F2: variants seen among roughly 807,000 people sequenced by gnomAD.
F2 encodes the protein coagulation factor II, thrombin, also known as prothrombin.
A neutral mutation model predicts 81.9 loss-of-function variants in F2; 34 were observed. That is an observed-to-expected ratio of 0.42 (90% CI 0.32 to 0.55). The LOEUF (loss-of-function observed/expected upper bound fraction) is 0.55, where lower values mean the gene tolerates loss of function less well. Ranked by LOEUF, F2 falls within the 20% of genes least tolerant of loss-of-function variation. The pLI, the probability that F2 is intolerant of heterozygous loss-of-function variation, is 0.18. For synonymous variants in F2, 296 were observed against 326.4 expected (o/e 0.91, Z 1.01); for missense variants, 630 against 833.4 (o/e 0.76, Z 3.00).
chr11:46,726,718 G>A lies in F2; in HGVS notation c.1011G>A (p.Gly337=). ...GCTTGGCTTGCTCTGCAGACTGTGG[G>A]CTGCGACCTCTGTTCGAGAAGAAGT... ...RTFGSGEADC[G]LRPLFEKKSL... The change falls in exon 9 of 14, where the codon GGG becomes GGA. Residue 337 remains glycine, a synonymous_variant. Transcript: ENST00000311907. This position sits in a 1 kb window ranked among gnomAD's most constrained non-coding sequence, Gnocchi z 5.9. 1 of 1,614,248 alleles carries A rather than the reference G, an allele frequency of 6.2e-7. No individual in the cohort carries two copies. Among genetic ancestry groups the A allele is most frequent in the Non-Finnish European group, 8.5e-7 (1 of 1,180,046 alleles).
chr11:46,732,782 T>C (rs2064921355), intron 12 of F2, among the ~76,000 whole-genome samples: 2 of 152,228 alleles, frequency 1.3e-5, no homozygotes, highest in African/African-American at 4.8e-5. Context: ...AGCTGGCTTC[T>C]GTGACTTGGG....
chr11:46,719,989 C>T lies in F2; in HGVS notation c.240+127C>T, dbSNP rs2064826413. On this transcript the variant is annotated intron_variant, in intron 2 of 13. Transcript: ENST00000311907. This position sits in a 1 kb window ranked among gnomAD's most constrained non-coding sequence, Gnocchi z 4.7. ...CTCACAGCCTCATTTCAACTCTGAG[C>T]CCCTCCTCACAGGGCTGGCAAGAGG... 4 of 1,318,400 alleles carry T rather than the reference C, an allele frequency of 3.0e-6. No individual in the cohort carries two copies. The highest frequency in any genetic ancestry group is 4.2e-6 in the Non-Finnish European group (4 of 954,920). 81.7% of individuals were successfully genotyped at this position (1,318,400 alleles called of 1,614,324 possible).
Position 46,725,918 on chromosome 11 carries a change from T to C in F2, c.619T>C (p.Ser207Pro). The change falls in exon 7 of 14, where the codon TCA (serine) becomes CCA (proline). Residue 207 changes from serine (S) to proline (P), a missense_variant. Ser to Pro is a moderately conservative substitution (Grantham distance 74, BLOSUM62 -1). Transcript: ENST00000311907. Reference sequence around the variant, plus strand: ...CTCCGAAGGCTCCAGTGTGAATCTGTCACCTCCATTGGAGCAGTGTGTCCC... The same window carrying C: ...CTCCGAAGGCTCCAGTGTGAATCTGCCACCTCCATTGGAGCAGTGTGTCCC... ...PRSEGSSVNL[S>P]PPLEQCVPDR... 6.2e-7 allele frequency: 1 copy of C among 1,613,804 alleles called. No homozygotes were observed. The highest frequency in any genetic ancestry group is 8.5e-7 in the Non-Finnish European group (1 of 1,180,024).
In F2 at chr11:46,719,246, T is replaced by C; in HGVS notation, c.11T>C (p.Val4Ala). The change falls in exon 1 of 14, where the codon GTC becomes GCC. Residue 4 changes from valine to alanine, a missense_variant. By Grantham distance (64) the Val-to-Ala change is moderately conservative. Transcript: ENST00000311907. The surrounding 1 kb of genome is among the most constrained non-coding windows in gnomAD (Gnocchi z 4.7). ...AGGAGCTGACACACTATGGCGCACG[T>C]CCGAGGCTTGCAGCTGCCTGGCTGC... MAH[V>A]RGLQLPGCLA... The C allele has an allele frequency of 6.2e-7, 1 of 1,613,824 alleles. No homozygotes were observed. The highest frequency in any genetic ancestry group is 8.5e-7 in the Non-Finnish European group (1 of 1,180,032).
chr11:46,732,642 G>A (rs1357477068), intron 12 of F2, among the ~76,000 whole-genome samples: 2 of 151,950 alleles, frequency 1.3e-5, no homozygotes, highest in Non-Finnish European at 2.9e-5. Flanking sequence ...CAGGTGATCC[G>A]CCCGCCTCAG....
chr11:46,724,516 G>A (rs928837077), intron 6 of F2, among the ~76,000 whole-genome samples: 3 of 152,180 alleles, frequency 2.0e-5, no homozygotes, highest in African/African-American at 7.2e-5. Flanking sequence ...ACAGAAAAGC[G>A]TCTTCTGTCC....
In F2 at chr11:46,739,208, G is replaced by C. The variant is rs988930603; in HGVS notation, c.1726-57G>C. The C allele has an allele frequency of 3.1e-6, 5 of 1,613,584 alleles. No individual in the cohort carries two copies. In the African/African-American group the frequency reaches 5.3e-5, roughly 17 times the overall value. ...ATCTAGAAACAGTTGCCTGGCAGGG[G>C]AATACTGATGTGACCTTGAACTTGA... is the stretch of plus-strand genomic sequence containing the variant. On this transcript the variant is annotated intron_variant, in intron 13 of 13. Transcript: ENST00000311907.
intron 12 of F2, among the ~76,000 whole-genome samples, chr11:46,729,976 C>T (rs1254534396): frequency 6.6e-6 from 1 of 152,018 alleles, no homozygotes; most frequent in Non-Finnish European, 1.5e-5. Flanking sequence ...AGATCTAAAA[C>T]AGCAATCCCT....
At position 46,728,592 on chromosome 11, in the gene F2, A is replaced by G. The variant is rs2064891016; in HGVS notation, c.1299-72A>G. On this transcript the variant is annotated intron_variant, in intron 10 of 13. Coordinates refer to ENST00000311907, the MANE Select transcript of F2 (RefSeq NM_000506.5). The surrounding 1 kb of genome is among the most constrained non-coding windows in gnomAD (Gnocchi z 5.1). ...AGGACACACTGTCTCCCAGACCCCAAGGGCAGGCAGTTTCCTGCTCCTTGC... is the reference window on the plus strand; with the variant it reads ...AGGACACACTGTCTCCCAGACCCCAGGGGCAGGCAGTTTCCTGCTCCTTGC... 1 of 1,571,532 alleles carries G rather than the reference A, an allele frequency of 6.4e-7. No homozygotes were observed. The highest frequency in any genetic ancestry group is 8.7e-7 in the Non-Finnish European group (1 of 1,144,024).
chr11:46,731,196 C>T (rs1029293147), intron 12 of F2, among the ~76,000 whole-genome samples: 6 of 149,842 alleles, frequency 4.0e-5, no homozygotes, highest in South Asian at 4.2e-4. Context: ...GGATTACAGG[C>T]GTGAACCACT....
chr11:46,734,688 G>A (rs1232796078), intron 12 of F2, among the ~76,000 whole-genome samples: 3 of 152,118 alleles, frequency 2.0e-5, no homozygotes. Context: ...GCTGATGCCT[G>A]TAGTCCCAGC....
intron 12 of F2, among the ~76,000 whole-genome samples, chr11:46,735,933 G>C (rs1314732450): frequency 6.7e-6 from 1 of 150,372 alleles, no homozygotes; most frequent in Admixed American, 6.7e-5. Flanking sequence ...CGCCAGGTGC[G>C]GTGGCTCACA....
intron 2 of F2, chr11:46,720,235 C>T (rs946823014): frequency 5.5e-5 from 31 of 561,344 alleles, no homozygotes; most frequent in Non-Finnish European, 5.1e-5. Flanking sequence ...TCCTGGAGCT[C>T]TGTGTCGCCT....
intron 12 of F2, among the ~76,000 whole-genome samples, chr11:46,732,424 G>A (rs1346769965): frequency 1.4e-5 from 2 of 146,920 alleles, no homozygotes; most frequent in African/African-American, 2.5e-5. Context: ...ATGGAGTTTC[G>A]CCCATGTTGC....
chr11:46,739,452 G>A lies in F2; in HGVS notation c.*44G>A. The stretch of plus-strand genomic sequence containing the variant: ...GGCTCCTGGAACCAATCCCGTGAAA[G>A]AATTATTTTTGTGTTTCTAAAACTA... On this transcript the variant is annotated 3_prime_UTR_variant, in exon 14 of 14. Transcript: ENST00000311907. 3.1e-6 allele frequency: 5 copies of A among 1,612,398 alleles called. No homozygotes were observed. In the Admixed American group the frequency reaches 5.0e-5, roughly 16 times the overall value.
At position 46,726,187 on chromosome 11, in the gene F2, G is replaced by C; in HGVS notation, c.874+14G>C. 3 of 1,612,638 alleles carry C rather than the reference G, an allele frequency of 1.9e-6. No homozygotes were observed. In the South Asian group the frequency reaches 3.3e-5, roughly 18 times the overall value. On this transcript the variant is annotated intron_variant, in intron 7 of 13. Transcript: ENST00000311907. The surrounding 1 kb of genome is among the most constrained non-coding windows in gnomAD (Gnocchi z 5.9). ...TCAACTATTGTGGTGAGCTGCCTGG[G>C]TAGGGGGCCTGAGTTGCAGGGACAA...
chr11:46,736,728 G>A (rs3136498), intron 12 of F2, among the ~76,000 whole-genome samples: 343 of 152,338 alleles, frequency 2.3e-3, no homozygotes, highest in African/African-American at 7.8e-3. Flanking sequence ...AGGCTTTAGC[G>A]TACATAGCTG....
At chr11:46,736,029 C>T (rs901138810) in intron 12 of F2, among the ~76,000 whole-genome samples, 1 of 151,806 alleles carries the variant, frequency 6.6e-6, no homozygotes, top group Non-Finnish European at 1.5e-5. Flanking sequence ...ATGGTGAAAC[C>T]CCATCTCTAC....
Position 46,726,160 on chromosome 11 carries a change from C to A in F2, c.861C>A (p.Asp287Glu). 6.2e-7 allele frequency: 1 copy of A among 1,613,862 alleles called. No homozygotes were observed. The highest frequency in any genetic ancestry group is 8.5e-7 in the Non-Finnish European group (1 of 1,180,036). The change falls in exon 7 of 14, where the codon GAC becomes GAA. Residue 287 changes from aspartate (D) to glutamate (E), a missense_variant. Transcript: ENST00000311907. The surrounding 1 kb of genome is among the most constrained non-coding windows in gnomAD (Gnocchi z 5.9). Reference protein sequence around the residue: ...AGKPGDFGYCDLNYCEEAVEE... With the variant: ...AGKPGDFGYCELNYCEEAVEE... ...AGCCTGGCGACTTTGGGTACTGCGA[C>A]CTCAACTATTGTGGTGAGCTGCCTG...
Sources: gnomAD v4.1 joint callset for allele counts (sites outside exome capture counted in the v4.1 genomes callset) on GRCh38, gnomAD v4.1.1 for gene constraint, Gnocchi (gnomAD v3.1) non-coding constraint, MANE v1.5 for transcripts, NCBI Gene and HGNC (gene_info 2026-07-23, HGNC 2026-07-21) for gene names.